SLC44A1: variants seen among roughly 807,000 people sequenced by gnomAD.
The protein encoded by SLC44A1 is choline transporter-like protein 1.
Under a neutral mutation model 79.3 loss-of-function variants are expected in SLC44A1, and 26 were observed. The ratio of observed to expected loss-of-function variants is 0.33; its 90% CI spans 0.24 to 0.46. The LOEUF (loss-of-function observed/expected upper bound fraction) is 0.46. Among genes scored for constraint, SLC44A1 ranks in the 20% least tolerant of loss-of-function variants. The pLI is 1.00. For synonymous variants in SLC44A1, 263 were observed against 286.2 expected, an observed-to-expected ratio of 0.92 and a Z score of 0.82; for missense variants, 688 against 798.1, an observed-to-expected ratio of 0.86 and a Z score of 1.66.
At chr9:105,435,792 TATATC>T (rs988066328) in intron 15 of SLC44A1, among the ~76,000 whole-genome samples, 51 of 152,174 alleles carry the variant, frequency 3.4e-4, no homozygotes, top group African/African-American at 1.1e-3. Context: ...TTGTGACAAA[TATATC>T]ATAGTAATGT....
chr9:105,299,762 T>C, intron 2 of SLC44A1: 1 of 986,696 alleles, frequency 1.0e-6, no homozygotes, highest in Non-Finnish European at 1.2e-6. Flanking sequence ...GCCTTCTGTG[T>C]CTGCTGTAAT....
chr9:105,360,211 T>C (rs564335127), intron 7 of SLC44A1, among the ~76,000 whole-genome samples: 1 of 152,338 alleles, frequency 6.6e-6, no homozygotes, highest in South Asian at 2.1e-4. Context: ...GATAGTGTCA[T>C]AGATTGCTCT....
At chr9:105,297,634 G>A (rs1481654055) in intron 1 of SLC44A1, among the ~76,000 whole-genome samples, 5 of 152,076 alleles carry the variant, frequency 3.3e-5, no homozygotes, top group East Asian at 1.9e-4. Context: ...CGCCCGCCTC[G>A]GCAACCCAAA....
At chr9:105,431,690 A>G (rs576249270) in intron 15 of SLC44A1, among the ~76,000 whole-genome samples, 3 of 152,314 alleles carry the variant, frequency 2.0e-5, no homozygotes, top group East Asian at 3.9e-4. Flanking sequence ...TCCAAATTCC[A>G]GTCCATATAG....
intron 12 of SLC44A1, among the ~76,000 whole-genome samples, chr9:105,371,584 A>T (rs1003915391): frequency 1.3e-5 from 2 of 151,928 alleles, no homozygotes; most frequent in African/African-American, 4.8e-5. Flanking sequence ...ACAAAAAATT[A>T]GCCGGGTGCC....
chr9:105,389,185 A>G lies in SLC44A1; in HGVS notation c.*129A>G. On this transcript the variant is annotated 3_prime_UTR_variant, in exon 16 of 16. Coordinates refer to ENST00000374720, the MANE Select transcript of SLC44A1 (RefSeq NM_080546.5). ...TGTATATATGTATATGTATATACAC[A>G]CACACACATAAATCAGCCAAAATCA... The G allele has an allele frequency of 7.2e-7, 1 of 1,384,688 alleles. No homozygotes were observed. Among genetic ancestry groups the G allele is most frequent in the Non-Finnish European group, 9.5e-7 (1 of 1,057,352 alleles). The allele number at this position is 1,384,688 out of a possible 1,614,324, so 85.8% of individuals were successfully genotyped here. A position where few individuals can be genotyped will look rare whatever the true frequency, so the allele number is the denominator to read the frequency against.
chr9:105,383,170 C>T lies in SLC44A1; in HGVS notation c.1680C>T (p.Asn560=). ...STGLAGIMLL[N]YQQDYTVWVL... is the part of the protein sequence containing the mutation. ...GTTTAGCTGGGATTATGCTGCTCAACTACCAGCAGGACTACACAGTATGGG... is the reference window on the plus strand; with the variant it reads ...GTTTAGCTGGGATTATGCTGCTCAATTACCAGCAGGACTACACAGTATGGG... Residue 560 remains asparagine (N), a synonymous_variant, in exon 14 of 16, where the codon AAC becomes AAT. Transcript: ENST00000374720. 1.9e-6 allele frequency: 3 copies of T among 1,614,142 alleles called. No homozygotes were observed. Among genetic ancestry groups the T allele is most frequent in the Non-Finnish European group, 2.5e-6 (3 of 1,179,984 alleles).
chr9:105,302,004 A>C (rs973648243), intron 2 of SLC44A1, among the ~76,000 whole-genome samples: 1 of 152,102 alleles, frequency 6.6e-6, no homozygotes. Flanking sequence ...TCTTTCACTC[A>C]TCTCTACCAT....
chr9:105,285,848 A>G (rs536166938), intron 1 of SLC44A1, among the ~76,000 whole-genome samples: 2 of 152,302 alleles, frequency 1.3e-5, no homozygotes, highest in African/African-American at 4.8e-5. Flanking sequence ...ATCTGGATGT[A>G]TACGTGCAGG....
intron 15 of SLC44A1, among the ~76,000 whole-genome samples, chr9:105,416,404 T>C (rs999951668): frequency 3.3e-5 from 5 of 151,604 alleles, no homozygotes; most frequent in African/African-American, 1.2e-4. Flanking sequence ...AGTTGAGGGA[T>C]GGAGAGGGGA....
chr9:105,246,133 T>C (rs1028327010), intron 1 of SLC44A1, among the ~76,000 whole-genome samples: 6 of 152,278 alleles, frequency 3.9e-5, no homozygotes, highest in African/African-American at 1.4e-4. Context: ...GATGGTTGGT[T>C]CTTGGTGAAG....
chr9:105,262,881 G>T (rs1829874488), intron 1 of SLC44A1, among the ~76,000 whole-genome samples: 1 of 152,036 alleles, frequency 6.6e-6, no homozygotes, highest in Non-Finnish European at 1.5e-5. Flanking sequence ...AATCTCATTT[G>T]GTTCCAAAAA....
chr9:105,340,971 G>T (rs575669382), intron 4 of SLC44A1, among the ~76,000 whole-genome samples: 1 of 152,304 alleles, frequency 6.6e-6, no homozygotes, highest in East Asian at 1.9e-4. Flanking sequence ...GAAATAGCTG[G>T]AAATTAGATT....
In SLC44A1 at chr9:105,376,661, A is replaced by G. The variant is rs1039218791; in HGVS notation, c.1632+1926A>G. Among the ~76,000 whole-genome samples, 3 of 152,332 alleles carry G rather than the reference A, an allele frequency of 2.0e-5. No homozygotes were observed. In the East Asian group the frequency reaches 5.8e-4, roughly 29 times the overall value. ...AGTGCTGGGATTACAGGCATGAGCC[A>G]CTGCCCACGGCGTTTTTTACAAAGG... On this transcript the variant is annotated intron_variant, in intron 13 of 15. Transcript: ENST00000374720.
chr9:105,295,835 T>A (rs1830708972), intron 1 of SLC44A1, among the ~76,000 whole-genome samples: 1 of 152,110 alleles, frequency 6.6e-6, no homozygotes, highest in Non-Finnish European at 1.5e-5. Context: ...TGAGCCTGAG[T>A]TTCCTCATCT....
At chr9:105,325,097 A>T (rs1291928557) in intron 3 of SLC44A1, among the ~76,000 whole-genome samples, 3 of 152,252 alleles carry the variant, frequency 2.0e-5, no homozygotes, top group African/African-American at 7.2e-5. Context: ...AACAGAAAAC[A>T]GCACAAATGT....
chr9:105,349,275 C>T (rs1827332685), intron 5 of SLC44A1, among the ~76,000 whole-genome samples: 2 of 152,076 alleles, frequency 1.3e-5, no homozygotes, highest in Admixed American at 1.3e-4. Context: ...TCAACTTCTC[C>T]AGGAAAATGT....
In SLC44A1 at chr9:105,383,217, G is replaced by T. The variant is rs1349163987; in HGVS notation, c.1727G>T (p.Cys576Phe). Residue 576 changes from cysteine to phenylalanine, a missense_variant, in exon 14 of 16, where the codon TGC (cysteine) becomes TTC (phenylalanine). By Grantham distance (205) the Cys-to-Phe change is radical (BLOSUM62 -2). Transcript: ENST00000374720. ...TVWVLPLIIV[C>F]LFAFLVAHCF... is the part of the protein sequence containing the mutation. ...TGGGTGCTGCCTCTGATCATCGTCT[G>T]CCTCTTTGCTTTCCTAGTCGCTCAT... 1.2e-6 allele frequency: 2 copies of T among 1,614,078 alleles called. No individual in the cohort carries two copies. Among genetic ancestry groups the T allele is most frequent in the East Asian group, 4.5e-5 (2 of 44,876 alleles).
chr9:105,378,214 A>G (rs996965765), intron 13 of SLC44A1, among the ~76,000 whole-genome samples: 22 of 152,366 alleles, frequency 1.4e-4, no homozygotes, highest in African/African-American at 5.0e-4. Flanking sequence ...GCGCCACTGC[A>G]CTGCAGCCCG....
Sources: gnomAD v4.1 joint callset for allele counts (sites outside exome capture counted in the v4.1 genomes callset) on GRCh38, gnomAD v4.1.1 for gene constraint, MANE v1.5 for transcripts, NCBI Gene and HGNC (gene_info 2026-07-23, HGNC 2026-07-21) for gene names.